DACH2: variants seen among roughly 807,000 people sequenced by gnomAD.
DACH2 encodes the protein dachshund family transcription factor 2, also known as dachshund homolog 2.
Under a neutral mutation model 35.8 loss-of-function variants are expected in DACH2, and 17 were observed. The ratio of observed to expected loss-of-function variants is 0.48; its 90% confidence interval spans 0.33 to 0.71. The LOEUF (loss-of-function observed/expected upper bound fraction) is 0.71. DACH2 is among the 30% of genes least tolerant of loss of function. The pLI is 0.02. For synonymous variants in DACH2, 195 were observed against 177.3 expected, an observed-to-expected ratio of 1.10 and a Z score of -0.79; for missense variants, 469 against 472.7, an observed-to-expected ratio of 0.99 and a Z score of 0.07.
At chrX:86,753,247 C>T (rs1385790740) in intron 7 of DACH2, among the ~76,000 whole-genome samples, 1 of 111,702 alleles carries the variant, frequency 9.0e-6, no homozygotes, top group Non-Finnish European at 1.9e-5. Flanking sequence ...ATCTCGACAT[C>T]AGGTGCAAAT....
chrX:86,347,455 G>A (rs1035931871), intron 1 of DACH2, among the ~76,000 whole-genome samples: 3 of 112,479 alleles, frequency 2.7e-5, no homozygotes, highest in South Asian at 3.6e-4. Context: ...CACTCCAGGA[G>A]GTTTGTCTCT....
rs1156572816 is a variant in DACH2, at chrX:86,534,685, A to G, written c.640+20294A>G. Among the ~76,000 whole-genome samples, 3 of 111,144 alleles carry G rather than the reference A, an allele frequency of 2.7e-5. No homozygotes were observed. In the Admixed American group the frequency reaches 2.9e-4, roughly 11 times the overall value. ...TTTCATTTAGCCCTATAACTTTACT[A>G]AAGTGCTTTCTCTTTTTTAATTGTT... On this transcript the variant is annotated intron_variant, in intron 3 of 11. Coordinates refer to ENST00000373125, the MANE Select transcript of DACH2 (RefSeq NM_053281.3).
At chrX:86,295,761 G>T (rs2034439324) in intron 1 of DACH2, among the ~76,000 whole-genome samples, 1 of 111,195 alleles carries the variant, frequency 9.0e-6, no homozygotes, top group Admixed American at 9.6e-5. Flanking sequence ...CACAGAAATG[G>T]TCTCCACAAT....
At chrX:86,331,958 TCA>T (rs1295193579) in intron 1 of DACH2, among the ~76,000 whole-genome samples, 1 of 111,752 alleles carries the variant, frequency 8.9e-6, no homozygotes, top group Non-Finnish European at 1.9e-5. Context: ...TTTATAAGAC[TCA>T]GTTTGAAAAG....
chrX:86,580,671 G>T (rs1020386191), intron 3 of DACH2, among the ~76,000 whole-genome samples: 4 of 111,042 alleles, frequency 3.6e-5, no homozygotes, highest in African/African-American at 1.3e-4. Flanking sequence ...CAAATAAGTC[G>T]GTCAGATAAA....
chrX:86,718,315 G>A (rs745854998), intron 6 of DACH2, among the ~76,000 whole-genome samples: 14 of 111,096 alleles, frequency 1.3e-4, no homozygotes, highest in Non-Finnish European at 2.6e-4. Context: ...TGCCCACTTT[G>A]TACTGGGATT....
intron 3 of DACH2, among the ~76,000 whole-genome samples, chrX:86,641,251 G>A (rs1279750750): frequency 8.9e-6 from 1 of 112,070 alleles, no homozygotes; most frequent in African/African-American, 3.2e-5. Context: ...TCAGTGTAAA[G>A]AAGAACCTAA....
intron 7 of DACH2, among the ~76,000 whole-genome samples, chrX:86,761,441 T>C: frequency 9.0e-6 from 1 of 111,718 alleles, no homozygotes; most frequent in Non-Finnish European, 1.9e-5. Flanking sequence ...GCTTTTACCT[T>C]GTTGATGGGA....
At chrX:86,656,008 G>A (rs2040534601) in intron 4 of DACH2, among the ~76,000 whole-genome samples, 1 of 102,750 alleles carries the variant, frequency 9.7e-6, no homozygotes, top group South Asian at 4.3e-4. Flanking sequence ...TGTCCAGTGC[G>A]AAGAGACCAA....
chrX:86,402,743 G>C (rs1291896140), intron 2 of DACH2, among the ~76,000 whole-genome samples: 1 of 111,602 alleles, frequency 9.0e-6, no homozygotes, highest in African/African-American at 3.3e-5. Context: ...TGAGCAAAAA[G>C]AACAAAACCA....
chrX:86,316,710 C>A (rs1316473099), intron 1 of DACH2, among the ~76,000 whole-genome samples: 1 of 111,260 alleles, frequency 9.0e-6, no homozygotes, highest in Non-Finnish European at 1.9e-5. Context: ...TGAGGTCGAT[C>A]TCAGTGTCTC....
At chrX:86,490,560 CA>C (rs1397317153) in intron 2 of DACH2, among the ~76,000 whole-genome samples, 2 of 111,279 alleles carry the variant, frequency 1.8e-5, no homozygotes, top group African/African-American at 6.5e-5. Flanking sequence ...TGCCTTTGGC[CA>C]CCTTTGTTCA....
intron 4 of DACH2, among the ~76,000 whole-genome samples, chrX:86,666,233 T>C (rs1458072325): frequency 9.0e-6 from 1 of 110,788 alleles, no homozygotes; most frequent in Middle Eastern, 4.2e-3. Flanking sequence ...CTACTACGTC[T>C]ACCAGATATA....
chrX:86,411,028 A>AG (rs2036603833), intron 2 of DACH2, among the ~76,000 whole-genome samples: 2 of 80,996 alleles, frequency 2.5e-5, no homozygotes, highest in South Asian at 1.4e-3. Flanking sequence ...GATTATATAT[A>AG]TATATATATA....
intron 7 of DACH2, among the ~76,000 whole-genome samples, chrX:86,772,362 C>T (rs1761135269): frequency 9.0e-6 from 1 of 111,523 alleles, no homozygotes; most frequent in African/African-American, 3.3e-5. Context: ...GTTCCAACTA[C>T]TCCTGCTGGG....
intron 3 of DACH2, among the ~76,000 whole-genome samples, chrX:86,523,615 G>T (rs1161131287): frequency 9.0e-6 from 1 of 110,738 alleles, no homozygotes. Context: ...TGTGGGCAGG[G>T]GACTGAAAAA....
chrX:86,523,220 G>A (rs2038583539), intron 3 of DACH2, among the ~76,000 whole-genome samples: 1 of 111,481 alleles, frequency 9.0e-6, no homozygotes, highest in African/African-American at 3.3e-5. Flanking sequence ...CTCAACTCGG[G>A]ATTAGCAAAA....
chrX:86,814,883 G>T (rs1170469424), intron 10 of DACH2, 49 bp downstream of exon 10: 2 of 1,121,115 alleles, frequency 1.8e-6, no homozygotes, highest in Non-Finnish European at 2.4e-6. Flanking sequence ...AAGCAAAACT[G>T]ATTGAAGAAA....
At chrX:86,449,451 A>G (rs1269392320) in intron 2 of DACH2, among the ~76,000 whole-genome samples, 2 of 111,294 alleles carry the variant, frequency 1.8e-5, no homozygotes, top group Admixed American at 9.6e-5. Context: ...TAGCCACTCT[A>G]TATCTTTTAA....
Sources: allele counts gnomAD v4.1 joint callset (sites outside exome capture counted in the v4.1 genomes callset), GRCh38; gene constraint gnomAD v4.1.1; transcripts MANE v1.5; gene names NCBI Gene and HGNC (gene_info 2026-07-23, HGNC 2026-07-21).